The following ZNF341 variants were observed in gnomAD, a reference collection of about 807,000 sequenced individuals.
The protein encoded by ZNF341 is zinc finger protein 341.
Under a neutral mutation model 87.7 loss-of-function variants are expected in ZNF341, and 52 were observed. The observed-to-expected ratio is 0.59, with a 90% CI of 0.47 to 0.75. The LOEUF (loss-of-function observed/expected upper bound fraction) is 0.75, where lower values mean the gene tolerates loss of function less well. Among genes scored for constraint, ZNF341 ranks in the 30% least tolerant of loss-of-function variants. The pLI is 0.00. For synonymous variants in ZNF341, 459 were observed against 472.7 expected, an observed-to-expected ratio of 0.97 and a Z score of 0.38; for missense variants, 977 against 1,145.9, an observed-to-expected ratio of 0.85 and a Z score of 2.13.
At chr20:33,774,233 A>C (rs1448714580) in intron 10 of ZNF341, among the ~76,000 whole-genome samples, 2 of 152,056 alleles carry the variant, frequency 1.3e-5, no homozygotes, top group Non-Finnish European at 2.9e-5. Flanking sequence ...TGGAGGTTGC[A>C]GTGAGCCAAG....
chr20:33,741,486 C>T (rs1046943272), intron 2 of ZNF341, among the ~76,000 whole-genome samples: 4 of 151,900 alleles, frequency 2.6e-5, no homozygotes, highest in Admixed American at 6.6e-5. Context: ...TCACTGCAAC[C>T]TCCACCTCCT....
intron 12 of ZNF341, among the ~76,000 whole-genome samples, chr20:33,784,652 G>A (rs2019817352): frequency 6.8e-6 from 1 of 146,548 alleles, no homozygotes; most frequent in Non-Finnish European, 1.5e-5. Context: ...TCTCGCTCTT[G>A]TTGCCCAGGC....
At chr20:33,758,957 C>G (rs2019237703) in intron 7 of ZNF341, 151 bp downstream of exon 7, 1 of 663,550 alleles carries the variant, frequency 1.5e-6, no homozygotes, top group African/African-American at 1.8e-5. Flanking sequence ...GGGTGGTTTT[C>G]CCTCTTCTAT....
At position 33,791,583 on chromosome 20, in the gene ZNF341, G is replaced by A. The variant is rs557722827; in HGVS notation, c.*66G>A. Reference sequence around the variant, plus strand: ...CTGTTTGGGTCCAGGGCCCCTGGGGGCAGACCGGTGATCCTTACCAGTGGA... The same window carrying A: ...CTGTTTGGGTCCAGGGCCCCTGGGGACAGACCGGTGATCCTTACCAGTGGA... On this transcript the variant is annotated 3_prime_UTR_variant, in exon 15 of 15. Coordinates refer to ENST00000375200, the MANE Select transcript of ZNF341 (RefSeq NM_001282933.2). The A allele has an allele frequency of 8.3e-6, 12 of 1,448,284 alleles. No homozygotes were observed. The highest frequency in any genetic ancestry group is 2.6e-4 in the Middle Eastern group (1 of 3,908). The allele number at this position is 1,448,284 out of a possible 1,614,324, so 89.7% of individuals were successfully genotyped here. A position where few individuals can be genotyped will look rare whatever the true frequency, so the allele number is the denominator to read the frequency against.
chr20:33,734,850 A>C (rs961987627), intron 1 of ZNF341, among the ~76,000 whole-genome samples: 1 of 151,932 alleles, frequency 6.6e-6, no homozygotes, highest in East Asian at 1.9e-4. Flanking sequence ...GACTACAGGC[A>C]CATGCCACCA....
chr20:33,732,130 T>A lies in ZNF341; in HGVS notation c.31+78T>A, dbSNP rs2018577675. 1 of 1,032,994 alleles carries A rather than the reference T, an allele frequency of 9.7e-7. No individual in the cohort carries two copies. Among genetic ancestry groups the A allele is most frequent in the Non-Finnish European group, 1.2e-6 (1 of 857,558 alleles). 64.0% of individuals were successfully genotyped at this position (1,032,994 alleles called of 1,614,324 possible). Reference sequence around the variant, plus strand: ...CGCCGCGCCCTCGCAGCGCCCGGCCTAGGGCGCGCAGCGGCCGCGGGGCGG... The same window carrying A: ...CGCCGCGCCCTCGCAGCGCCCGGCCAAGGGCGCGCAGCGGCCGCGGGGCGG... On this transcript the variant is annotated intron_variant, in intron 1 of 14. Coordinates refer to ENST00000375200, the MANE Select transcript of ZNF341 (RefSeq NM_001282933.2). The surrounding 1 kb of genome is among the most constrained non-coding windows in gnomAD (Gnocchi z 4.5).
In ZNF341 at chr20:33,791,826, G is replaced by A. The variant is rs1029786575; in HGVS notation, c.*309G>A. 28 of 329,602 alleles carry A rather than the reference G, an allele frequency of 8.5e-5. No homozygotes were observed. The highest frequency in any genetic ancestry group is 1.3e-4 in the Non-Finnish European group (24 of 180,812). 20.4% of individuals were successfully genotyped at this position (329,602 alleles called of 1,614,324 possible). The stretch of plus-strand genomic sequence containing the variant: ...GTCCCGCTGGTCTAGGCTGGTGGTC[G>A]GGGCCCCTGGGAGAGGAGACAGGGC... On this transcript the variant is annotated 3_prime_UTR_variant, in exon 15 of 15. Transcript: ENST00000375200.
chr20:33,743,008 A>G (rs893065478), intron 2 of ZNF341, among the ~76,000 whole-genome samples: 2 of 151,546 alleles, frequency 1.3e-5, no homozygotes, highest in Non-Finnish European at 2.9e-5. Flanking sequence ...AGCCTGGGCA[A>G]CACAACAGGA....
intron 1 of ZNF341, among the ~76,000 whole-genome samples, chr20:33,740,686 T>C (rs369533220): frequency 3.5e-4 from 53 of 152,256 alleles, no homozygotes; most frequent in African/African-American, 8.4e-4. Flanking sequence ...TGTATTTTTT[T>C]GTAGAGGTGG....
At chr20:33,783,354 T>C (rs528568096) in intron 11 of ZNF341, among the ~76,000 whole-genome samples, 2 of 152,186 alleles carry the variant, frequency 1.3e-5, no homozygotes, top group East Asian at 3.9e-4. Context: ...AAATGCTGAC[T>C]TAAAAGTGTG....
In ZNF341 at chr20:33,767,058, A is replaced by C. The variant is rs1353523679; in HGVS notation, c.1413+17A>C. 6.2e-7 allele frequency: 1 copy of C among 1,604,708 alleles called. No homozygotes were observed. Among genetic ancestry groups the C allele is most frequent in the Non-Finnish European group, 8.5e-7 (1 of 1,175,018 alleles). ...AATGAGCAGGTAGGTGGATGGTGGC[A>C]GCAGGGGCCCACACCACACCAGTCG... On this transcript the variant is annotated intron_variant, in intron 9 of 14. Coordinates refer to ENST00000375200, the MANE Select transcript of ZNF341 (RefSeq NM_001282933.2).
intron 1 of ZNF341, among the ~76,000 whole-genome samples, chr20:33,740,184 C>T (rs541253025): frequency 1.4e-4 from 21 of 152,260 alleles, no homozygotes; most frequent in East Asian, 1.2e-3. Context: ...TTTTATCCTA[C>T]GATCCTAAGG....
At chr20:33,747,016 A>G (rs2018941170) in intron 3 of ZNF341, among the ~76,000 whole-genome samples, 1 of 152,154 alleles carries the variant, frequency 6.6e-6, no homozygotes, top group Non-Finnish European at 1.5e-5. Flanking sequence ...AGGCCAGAGC[A>G]GAGGACAAGG....
chr20:33,785,552 G>T (rs1398188802), intron 12 of ZNF341, among the ~76,000 whole-genome samples: 1 of 151,968 alleles, frequency 6.6e-6, no homozygotes, highest in East Asian at 1.9e-4. Context: ...GGCCAAGATG[G>T]TCTCAAACTC....
intron 1 of ZNF341, among the ~76,000 whole-genome samples, chr20:33,736,038 A>G (rs1211256411): frequency 6.6e-6 from 1 of 150,624 alleles, no homozygotes; most frequent in Non-Finnish European, 1.5e-5. Context: ...GTAGTATTCC[A>G]TAGTATGGCT....
chr20:33,776,522 G>A (rs2019631004), intron 10 of ZNF341, among the ~76,000 whole-genome samples: 1 of 152,098 alleles, frequency 6.6e-6, no homozygotes, highest in African/African-American at 2.4e-5. Context: ...GAGTAGCTGG[G>A]ACCACAGGTG....
At chr20:33,745,041 T>G in intron 2 of ZNF341, 62 bp from the exon 3 acceptor site, 1 of 1,512,106 alleles carries the variant, frequency 6.6e-7, no homozygotes, top group Non-Finnish European at 9.1e-7. Context: ...AGTCTTGCTT[T>G]TTTTTCATTA....
Position 33,757,144 on chromosome 20 carries a change from C to A in ZNF341, c.742-4C>A. On this transcript the variant is annotated splice_polypyrimidine_tract_variant and splice_region_variant and intron_variant, in intron 5 of 14. Transcript: ENST00000375200. ...CTTTTTCCCTGACTGTGTTGTCCTC[C>A]TAGGTGCCAAACCAGTGTGTGGAGC... 7.1e-7 allele frequency: 1 copy of A among 1,409,158 alleles called. No individual in the cohort carries two copies. The allele number at this position is 1,409,158 out of a possible 1,614,324, so 87.3% of individuals were successfully genotyped here.
chr20:33,752,121 T>C, intron 4 of ZNF341: 1 of 375,024 alleles, frequency 2.7e-6, no homozygotes, highest in Non-Finnish European at 5.1e-6. Flanking sequence ...CCCCCCCCTT[T>C]TTTTTTAATT....
Sources: allele counts gnomAD v4.1 joint callset (sites outside exome capture counted in the v4.1 genomes callset), GRCh38; gene constraint gnomAD v4.1.1; non-coding constraint Gnocchi (gnomAD v3.1); transcripts MANE v1.5; gene names NCBI Gene and HGNC (gene_info 2026-07-23, HGNC 2026-07-21).